The following CHST8 variants were observed in gnomAD, a reference collection of about 807,000 sequenced individuals.
The protein encoded by CHST8 is carbohydrate sulfotransferase 8, also known as GALNAC-4-ST1.
In CHST8, 10 loss-of-function variants were observed where a neutral mutation model predicts 15.0. That is an observed-to-expected ratio of 0.67 (90% confidence interval 0.41 to 1.13). The LOEUF (loss-of-function observed/expected upper bound fraction) is 1.13. Among genes scored for constraint, CHST8 ranks in the 50% most tolerant of loss-of-function variants. The probability of loss-of-function intolerance (pLI) is 0.00; values close to 1 mark genes in which losing one functional copy is unlikely to be tolerated. For missense variants in CHST8, 634 were observed against 608.2 expected, an observed-to-expected ratio of 1.04 and a Z score of -0.45; for synonymous variants, 259 against 256.6, an observed-to-expected ratio of 1.01 and a Z score of -0.09.
rs779675268 is a variant in CHST8 at position 33,689,373 on chromosome 19, G to GC, written c.118dup (p.Gln40ProfsTer28). 2.7e-5 allele frequency: 43 copies of GC among 1,598,528 alleles called. No homozygotes were observed. The highest frequency in any genetic ancestry group is 3.4e-5 in the Non-Finnish European group (40 of 1,174,814). On this transcript the variant is annotated frameshift_variant, in exon 3 of 5. Transcript: ENST00000650847. LOFTEE classifies it high-confidence loss of function. Reference sequence around the variant, plus strand: ...CAGCCTGCAGGACCCTACGGAGCTCGCCCCCCAGCAGGTGCCAGGTGAGTC... The same window carrying GC: ...CAGCCTGCAGGACCCTACGGAGCTCGCCCCCCCAGCAGGTGCCAGGTGAGTC...
At chr19:33,743,944 A>G (rs901286491) in intron 3 of CHST8, among the ~76,000 whole-genome samples, 1 of 151,922 alleles carries the variant, frequency 6.6e-6, no homozygotes, top group Non-Finnish European at 1.5e-5. Context: ...GGCACCTGCC[A>G]CCACGCCTGG....
intron 3 of CHST8, among the ~76,000 whole-genome samples, chr19:33,741,196 G>T (rs927034165): frequency 4.6e-5 from 7 of 152,174 alleles, no homozygotes; most frequent in Non-Finnish European, 1.0e-4. Context: ...GGTCCTGCTT[G>T]TATTGACTCT....
chr19:33,764,406 G>A lies in CHST8; in HGVS notation c.131-7007G>A, dbSNP rs535399023. Among the ~76,000 whole-genome samples the A allele has an allele frequency of 4.6e-5, 7 of 152,294 alleles. No individual in the cohort carries two copies. In the South Asian group the frequency reaches 1.2e-3, roughly 27 times the overall value. ...TCCCAGCACTTTGCGAGGCCAAAGC[G>A]GGAGGATCATTTGAGCCCAGGAGTT... is the stretch of plus-strand genomic sequence containing the variant. On this transcript the variant is annotated intron_variant, in intron 3 of 4. Coordinates refer to ENST00000650847, the MANE Select transcript of CHST8 (RefSeq NM_001127895.2).
At chr19:33,670,582 G>C (rs1972724191) in intron 2 of CHST8, among the ~76,000 whole-genome samples, 1 of 152,184 alleles carries the variant, frequency 6.6e-6, no homozygotes. Flanking sequence ...TTCCCTTCTT[G>C]ATGAATGCTT....
intron 3 of CHST8, among the ~76,000 whole-genome samples, chr19:33,765,357 G>C (rs971386217): frequency 6.6e-6 from 1 of 152,040 alleles, no homozygotes; most frequent in African/African-American, 2.4e-5. Flanking sequence ...CTTCGGAACT[G>C]TGAGAGAACA....
At chr19:33,673,223 T>A (rs886936349) in intron 2 of CHST8, among the ~76,000 whole-genome samples, 15 of 152,134 alleles carry the variant, frequency 9.9e-5, no homozygotes, top group African/African-American at 3.1e-4. Context: ...GTGCCTCTGG[T>A]GAGCATGACT....
At position 33,661,173 on chromosome 19, in the gene CHST8, G is replaced by A. The variant is rs75395707; in HGVS notation, c.-163-6594G>A. Among the ~76,000 whole-genome samples, 1,117 of 152,318 alleles carry A rather than the reference G, an allele frequency of 7.3e-3. 12 individuals are homozygous for A. Among genetic ancestry groups the A allele is most frequent in the African/African-American group, 0.026 (1,078 of 41,562 alleles). ...ATAAAATAAAATAAATGAGCTGGGT[G>A]TGGTGGTGTGCACCTGTAATCTCAC... On this transcript the variant is annotated intron_variant, in intron 1 of 4. Transcript: ENST00000650847.
At chr19:33,628,364 CCTATGAA>C (rs1198563702) in intron 1 of CHST8, among the ~76,000 whole-genome samples, 1 of 152,134 alleles carries the variant, frequency 6.6e-6, no homozygotes, top group East Asian at 1.9e-4. Flanking sequence ...GGGACTTTAT[CCTATGAA>C]CTGCTGCAGA....
At chr19:33,644,738 C>G (rs904786095) in intron 1 of CHST8, among the ~76,000 whole-genome samples, 1 of 151,964 alleles carries the variant, frequency 6.6e-6, no homozygotes, top group African/African-American at 2.4e-5. Context: ...AAGACCCTGT[C>G]TCTAAAAAAA....
At position 33,757,381 on chromosome 19, in the gene CHST8, AAAAAAG is replaced by A. The variant is rs1380773284; in HGVS notation, c.131-14029_131-14024del. 7.2e-4 allele frequency among the ~76,000 whole-genome samples: 80 copies of A among 110,544 alleles called. 1 individual carries two copies. The highest frequency in any genetic ancestry group is 2.5e-3 in the African/African-American group (77 of 30,238). 72.5% of individuals were successfully genotyped at this position (110,544 alleles called of 152,430 possible). On this transcript the variant is annotated intron_variant, in intron 3 of 4. Coordinates refer to ENST00000650847, the MANE Select transcript of CHST8 (RefSeq NM_001127895.2). ...GGCAACAGAGTGAGACGCGGTCTCA[AAAAAAG>A]AAGAAAGAAAGAAAGAAAGAAAGAA...
chr19:33,721,739 A>T lies in CHST8; in HGVS notation c.130+32348A>T, dbSNP rs573484892. ...AAGGGTGGATGGATAGATGAATGGA[A>T]GGACGGATAGATGGATGGAAAGTTG... On this transcript the variant is annotated intron_variant, in intron 3 of 4. Transcript: ENST00000650847. Among the ~76,000 whole-genome samples, 11 of 151,622 alleles carry T rather than the reference A, an allele frequency of 7.3e-5. No homozygotes were observed. The South Asian group carries it at 1.5e-3, about 20-fold the overall frequency.
At chr19:33,690,254 C>T (rs1439403419) in intron 3 of CHST8, among the ~76,000 whole-genome samples, 1 of 152,188 alleles carries the variant, frequency 6.6e-6, no homozygotes, top group Non-Finnish European at 1.5e-5. Context: ...GACACCGCTC[C>T]TCTGCAGGGA....
At chr19:33,706,071 G>T (rs1042560297) in intron 3 of CHST8, among the ~76,000 whole-genome samples, 5 of 152,198 alleles carry the variant, frequency 3.3e-5, no homozygotes, top group Non-Finnish European at 5.9e-5. Flanking sequence ...AGGTCACACA[G>T]CCAGGAAGTA....
At chr19:33,644,951 T>G (rs546539629) in intron 1 of CHST8, among the ~76,000 whole-genome samples, 1 of 152,152 alleles carries the variant, frequency 6.6e-6, no homozygotes, top group Non-Finnish European at 1.5e-5. Flanking sequence ...CCTGGGCGAT[T>G]GTATTCCCAG....
At chr19:33,765,969 G>A (rs1414272350) in intron 3 of CHST8, among the ~76,000 whole-genome samples, 1 of 152,134 alleles carries the variant, frequency 6.6e-6, no homozygotes, top group Non-Finnish European at 1.5e-5. Flanking sequence ...TAGGCCTGAA[G>A]AGAAAAGAGT....
chr19:33,628,124 A>G (rs950763860), intron 1 of CHST8, among the ~76,000 whole-genome samples: 5 of 152,138 alleles, frequency 3.3e-5, no homozygotes, highest in African/African-American at 1.2e-4. Context: ...GGAACTAAGC[A>G]GGGTTGGTGG....
chr19:33,696,981 C>T (rs573818649), intron 3 of CHST8, among the ~76,000 whole-genome samples: 2 of 151,984 alleles, frequency 1.3e-5, no homozygotes, highest in Admixed American at 1.3e-4. Context: ...GCTGGGATTA[C>T]ATGTTCTAAT....
At position 33,757,028 on chromosome 19, in the gene CHST8, C is replaced by T. The variant is rs373106232; in HGVS notation, c.131-14385C>T. 4.1e-4 allele frequency among the ~76,000 whole-genome samples: 62 copies of T among 152,258 alleles called. No homozygotes were observed. The South Asian group carries it at 0.012, about 30-fold the overall frequency. ...TGCTCCCATGATGGTCTGGGGCCCC[C>T]CTGGTCAGCCCACATGGCCCTGTGG... On this transcript the variant is annotated intron_variant, in intron 3 of 4. Transcript: ENST00000650847.
At chr19:33,630,055 T>TC (rs111686251) in intron 1 of CHST8, among the ~76,000 whole-genome samples, 92,779 of 152,102 alleles carry the variant, frequency 0.61, 28,980 homozygotes, top group Middle Eastern at 0.69. Context: ...CGAGGCTGCC[T>TC]TTTTGGGGGC....
Sources: gnomAD v4.1 joint callset for allele counts (sites outside exome capture counted in the v4.1 genomes callset) on GRCh38, gnomAD v4.1.1 for gene constraint, MANE v1.5 for transcripts, NCBI Gene and HGNC (gene_info 2026-07-23, HGNC 2026-07-21) for gene names.